TEX11: variants seen among roughly 807,000 people sequenced by gnomAD.
The protein encoded by TEX11 is testis-expressed protein 11.
In TEX11, 7 loss-of-function variants were observed where a neutral mutation model predicts 84.4. The ratio of observed to expected loss-of-function variants is 0.08; its 90% CI spans 0.05 to 0.16. The LOEUF (loss-of-function observed/expected upper bound fraction) is 0.16, where lower values mean the gene tolerates loss of function less well. TEX11 is among the 10% of genes least tolerant of loss of function. The pLI, the probability that TEX11 is intolerant of heterozygous loss-of-function variation, is 1.00. For synonymous variants in TEX11, 264 were observed against 222.8 expected, an observed-to-expected ratio of 1.18 and a Z score of -1.64; for missense variants, 551 against 660.5, an observed-to-expected ratio of 0.83 and a Z score of 1.82.
At chrX:70,547,027 CAAAAAAAA>C (rs58220663) in intron 28 of TEX11, among the ~76,000 whole-genome samples, 7 of 33,872 alleles carry the variant, frequency 2.1e-4, no homozygotes, top group South Asian at 3.6e-3. Context: ...TATTATTCAG[CAAAAAAAA>C]AAAAAAAAAA....
intron 9 of TEX11, among the ~76,000 whole-genome samples, chrX:70,750,933 A>AAAAAAAATATATATAT (rs1390175136): frequency 3.5e-5 from 1 of 28,198 alleles, no homozygotes; most frequent in Admixed American, 3.7e-4. Context: ...AAAAAAAAAA[A>AAAAAAAATATATATAT]ATATATATAT....
At chrX:70,547,508 C>T (rs750617457) in intron 28 of TEX11, among the ~76,000 whole-genome samples, 1 of 111,191 alleles carries the variant, frequency 9.0e-6, no homozygotes, top group East Asian at 2.8e-4. Context: ...AAAATTTTTG[C>T]AACCTACTCA....
At chrX:70,639,884 A>G (rs1482401389) in intron 17 of TEX11, among the ~76,000 whole-genome samples, 3 of 111,994 alleles carry the variant, frequency 2.7e-5, no homozygotes, top group Non-Finnish European at 3.8e-5. Context: ...AAAGGAATGC[A>G]GCCCCTCACC....
intron 25 of TEX11, among the ~76,000 whole-genome samples, chrX:70,591,317 T>C (rs1434276294): frequency 9.0e-6 from 1 of 110,803 alleles, no homozygotes; most frequent in Non-Finnish European, 1.9e-5. Context: ...AAGAATCATC[T>C]GGGCTGGGAG....
intron 28 of TEX11, among the ~76,000 whole-genome samples, chrX:70,543,238 T>C (rs1191598699): frequency 4.5e-5 from 5 of 111,540 alleles, no homozygotes; most frequent in African/African-American, 1.3e-4. Context: ...AAAAAATAAA[T>C]TAATCACTGC....
chrX:70,582,762 A>ATTTATTTT (rs67328060), intron 25 of TEX11, among the ~76,000 whole-genome samples: 18,134 of 95,902 alleles, frequency 0.19, 1,610 homozygotes, highest in African/African-American at 0.28. Context: ...TTATTTATTT[A>ATTTATTTT]TGTGATGGAA....
intron 5 of TEX11, chrX:70,857,233 GA>G: frequency 8.1e-6 from 1 of 122,969 alleles, no homozygotes; most frequent in Non-Finnish European, 1.8e-5. Context: ...CTATTCAGCA[GA>G]AAAGAATGGT....
chrX:70,520,384 G>T, the TEX11 span, among the ~76,000 whole-genome samples: 1 of 112,476 alleles, frequency 8.9e-6, no homozygotes, highest in African/African-American at 3.2e-5. Flanking sequence ...TCCCTCAGCT[G>T]CAGGTCTGTT....
chrX:70,643,822 A>G (rs900744864), intron 17 of TEX11, among the ~76,000 whole-genome samples: 3 of 110,248 alleles, frequency 2.7e-5, no homozygotes, highest in Non-Finnish European at 5.7e-5. Context: ...AAAACCCTAG[A>G]AGAAATCCTA....
chrX:70,662,355 T>C (rs2089937801), intron 16 of TEX11, among the ~76,000 whole-genome samples: 1 of 111,456 alleles, frequency 9.0e-6, no homozygotes, highest in Non-Finnish European at 1.9e-5. Flanking sequence ...CCAAGAAATA[T>C]GGGACTATGT....
intron 9 of TEX11, among the ~76,000 whole-genome samples, chrX:70,791,400 C>A (rs1360666523): frequency 1.8e-5 from 2 of 111,851 alleles, no homozygotes; most frequent in African/African-American, 6.5e-5. Flanking sequence ...CTCAGTCACA[C>A]AATAATAAGG....
intron 20 of TEX11, among the ~76,000 whole-genome samples, chrX:70,612,183 C>T (rs916263405): frequency 9.1e-6 from 1 of 110,244 alleles, no homozygotes; most frequent in Non-Finnish European, 1.9e-5. Flanking sequence ...CCCCACAATT[C>T]ACCACCACAT....
chrX:70,643,312 G>A (rs2089689545), intron 17 of TEX11, among the ~76,000 whole-genome samples: 1 of 102,522 alleles, frequency 9.8e-6, no homozygotes, highest in Non-Finnish European at 2.0e-5. Flanking sequence ...TCATGGGTAG[G>A]AAGAATCAAT....
intron 2 of TEX11, among the ~76,000 whole-genome samples, chrX:70,903,683 AAC>A (rs2091814954): frequency 9.0e-6 from 1 of 110,560 alleles, no homozygotes; most frequent in African/African-American, 3.3e-5. Context: ...GGAATGTTTG[AAC>A]AAACTGAGAA....
intron 11 of TEX11, among the ~76,000 whole-genome samples, chrX:70,738,230 C>T (rs1200328695): frequency 9.0e-6 from 1 of 111,411 alleles, no homozygotes; most frequent in Admixed American, 9.6e-5. Context: ...CCAGAATCTA[C>T]AAGGAACTTA....
At chrX:70,581,462 C>T (rs1418785114) in intron 25 of TEX11, among the ~76,000 whole-genome samples, 1 of 109,260 alleles carries the variant, frequency 9.2e-6, no homozygotes, top group Non-Finnish European at 1.9e-5. Flanking sequence ...CCACACCCGG[C>T]TAATTTTTTG....
chrX:70,520,599 G>C, the TEX11 span, among the ~76,000 whole-genome samples: 1 of 112,553 alleles, frequency 8.9e-6, no homozygotes, highest in Non-Finnish European at 1.9e-5. Flanking sequence ...GGGGCTCAGG[G>C]ACCCACTTGA....
chrX:70,547,891 C>T (rs1266745450), intron 28 of TEX11, among the ~76,000 whole-genome samples: 2 of 111,752 alleles, frequency 1.8e-5, no homozygotes, highest in East Asian at 5.6e-4. Context: ...ACTAGAAATA[C>T]CATTTGACCC....
At chrX:70,799,554 C>CA (rs917824430) in intron 9 of TEX11, among the ~76,000 whole-genome samples, 6 of 111,669 alleles carry the variant, frequency 5.4e-5, no homozygotes, top group African/African-American at 1.9e-4. Context: ...TTGAGCATCC[C>CA]AAAAAACTGT....
Sources: allele counts gnomAD v4.1 joint callset (sites outside exome capture counted in the v4.1 genomes callset), GRCh38; gene constraint gnomAD v4.1.1; transcripts MANE v1.5; gene names NCBI Gene and HGNC (gene_info 2026-07-23, HGNC 2026-07-21).